IMMP2L: variants seen among roughly 807,000 people sequenced by gnomAD.
IMMP2L encodes inner mitochondrial membrane peptidase subunit 2.
Under a neutral mutation model 19.3 loss-of-function variants are expected in IMMP2L, and 18 were observed. That is an observed-to-expected ratio of 0.93 (90% CI 0.64 to 1.38). IMMP2L has a LOEUF of 1.38. Ranked by LOEUF, IMMP2L falls within the 40% of genes most tolerant of loss-of-function variation. The pLI, the probability that IMMP2L is intolerant of heterozygous loss-of-function variation, is 0.00. For missense variants in IMMP2L, 233 were observed against 218.2 expected (o/e 1.07, Z -0.43); for synonymous variants, 76 against 73.0 (o/e 1.04, Z -0.21).
intron 3 of IMMP2L, among the ~76,000 whole-genome samples, chr7:111,016,846 T>C (rs1474950419): frequency 4.6e-5 from 4 of 86,236 alleles, no homozygotes; most frequent in Non-Finnish European, 8.0e-5. Context: ...ATATTATATA[T>C]AATATATATT....
At chr7:111,372,733 C>T (rs1830363467) in intron 3 of IMMP2L, among the ~76,000 whole-genome samples, 1 of 151,874 alleles carries the variant, frequency 6.6e-6, no homozygotes, top group African/African-American at 2.4e-5. Flanking sequence ...TCCTAGTCTA[C>T]CCAAAAGGCC....
At chr7:111,050,628 G>C (rs1348150258) in intron 3 of IMMP2L, among the ~76,000 whole-genome samples, 1 of 152,158 alleles carries the variant, frequency 6.6e-6, no homozygotes, top group African/African-American at 2.4e-5. Context: ...TATCTACCGT[G>C]TGTGGATTTT....
At chr7:111,463,324 C>G (rs1417733529) in intron 3 of IMMP2L, among the ~76,000 whole-genome samples, 3 of 152,132 alleles carry the variant, frequency 2.0e-5, no homozygotes, top group Non-Finnish European at 2.9e-5. Flanking sequence ...GGGGATCCAA[C>G]TCAACCCATA....
intron 3 of IMMP2L, among the ~76,000 whole-genome samples, chr7:111,252,678 A>G (rs543705941): frequency 6.6e-6 from 1 of 152,262 alleles, no homozygotes; most frequent in African/African-American, 2.4e-5. Flanking sequence ...TTAAAATTCT[A>G]TTTTTGAGAA....
intron 2 of IMMP2L, among the ~76,000 whole-genome samples, chr7:111,520,251 T>C (rs1846211866): frequency 6.6e-6 from 1 of 152,134 alleles, no homozygotes; most frequent in African/African-American, 2.4e-5. Flanking sequence ...TGATCCACTA[T>C]GGAGAGAACC....
At chr7:110,739,747 C>A (rs994710168) in intron 5 of IMMP2L, among the ~76,000 whole-genome samples, 18 of 152,266 alleles carry the variant, frequency 1.2e-4, no homozygotes, top group African/African-American at 3.4e-4. Flanking sequence ...TACCCAACAA[C>A]TGCAGAATAT....
chr7:111,175,236 C>T (rs1022870048), intron 3 of IMMP2L, among the ~76,000 whole-genome samples: 1 of 151,780 alleles, frequency 6.6e-6, no homozygotes, highest in African/African-American at 2.4e-5. Context: ...AAAGGTCTTA[C>T]AATAACAGGC....
intron 3 of IMMP2L, among the ~76,000 whole-genome samples, chr7:111,035,033 CT>C (rs1204458865): frequency 1.3e-5 from 2 of 152,106 alleles, no homozygotes; most frequent in Non-Finnish European, 2.9e-5. Flanking sequence ...AAATCATTTT[CT>C]CAATCGAGTC....
chr7:111,091,472 G>A (rs537804703), intron 3 of IMMP2L: 18 of 152,234 alleles, frequency 1.2e-4, no homozygotes, highest in Non-Finnish European at 2.2e-4. Context: ...CAAGGACATC[G>A]GAGGTGGGCT....
At chr7:111,239,192 T>C (rs1255307767) in intron 3 of IMMP2L, among the ~76,000 whole-genome samples, 1 of 151,920 alleles carries the variant, frequency 6.6e-6, no homozygotes, top group African/African-American at 2.4e-5. Flanking sequence ...ATTAGTTAAT[T>C]TGTTATCCAA....
At chr7:111,439,322 A>G (rs1837491049) in intron 3 of IMMP2L, among the ~76,000 whole-genome samples, 1 of 151,654 alleles carries the variant, frequency 6.6e-6, no homozygotes, top group Non-Finnish European at 1.5e-5. Flanking sequence ...TACCTTCTCA[A>G]AGCTGCAATT....
intron 4 of IMMP2L, among the ~76,000 whole-genome samples, chr7:110,950,508 A>AG (rs1328770191): frequency 2.6e-5 from 4 of 152,064 alleles, no homozygotes; most frequent in Non-Finnish European, 4.4e-5. Context: ...TATGGAAAAC[A>AG]CTATGGAGGT....
intron 3 of IMMP2L, among the ~76,000 whole-genome samples, chr7:111,083,941 T>C (rs1796093200): frequency 6.6e-6 from 1 of 152,088 alleles, no homozygotes; most frequent in African/African-American, 2.4e-5. Flanking sequence ...ACAACAAAAA[T>C]ACTAAATTTG....
intron 3 of IMMP2L, among the ~76,000 whole-genome samples, chr7:110,999,430 T>C (rs1823403706): frequency 6.6e-6 from 1 of 151,816 alleles, no homozygotes. Flanking sequence ...CTTGCTCTAT[T>C]TTCTGCAAGA....
chr7:111,398,594 T>C (rs37679), intron 3 of IMMP2L, among the ~76,000 whole-genome samples: 117 of 152,082 alleles, frequency 7.7e-4, no homozygotes, highest in African/African-American at 2.8e-3. Context: ...CCACCACTTC[T>C]CTTCAGCATA....
chr7:111,133,582 C>T (rs570501647), intron 3 of IMMP2L, among the ~76,000 whole-genome samples: 3 of 151,984 alleles, frequency 2.0e-5, no homozygotes, highest in Non-Finnish European at 4.4e-5. Context: ...TTTGTGCTAA[C>T]CATGTTAGAA....
intron 3 of IMMP2L, chr7:111,411,265 C>A: frequency 5.1e-6 from 1 of 196,018 alleles, no homozygotes; most frequent in Non-Finnish European, 1.1e-5. Context: ...GACTAAAAAT[C>A]ATACAGCCAG....
chr7:110,723,857 G>GA (rs75787493), intron 5 of IMMP2L, among the ~76,000 whole-genome samples: 1,834 of 97,582 alleles, frequency 0.019, 28 homozygotes, highest in African/African-American at 0.057. Flanking sequence ...GAGGGAAAGG[G>GA]AAAAAAAAAA....
chr7:111,100,554 AATAAT>A (rs1256326808), intron 3 of IMMP2L, among the ~76,000 whole-genome samples: 1 of 148,504 alleles, frequency 6.7e-6, no homozygotes, highest in Non-Finnish European at 1.5e-5. Context: ...TTATTTAATA[AATAAT>A]ATAATGATAA....
Sources: allele counts gnomAD v4.1 joint callset (sites outside exome capture counted in the v4.1 genomes callset), GRCh38; gene constraint gnomAD v4.1.1; transcripts MANE v1.5; gene names NCBI Gene and HGNC (gene_info 2026-07-23, HGNC 2026-07-21).